SLF1: variants seen among roughly 807,000 people sequenced by gnomAD.
The protein encoded by SLF1 is SMC5/6 complex localization factor 1, also known as SMC5-SMC6 complex localization factor protein 1.
In SLF1, 105 loss-of-function variants were observed where a neutral mutation model predicts 123.0. The observed-to-expected ratio is 0.85, with a 90% CI of 0.73 to 1.00. The LOEUF is 1.00. Among genes scored for constraint, SLF1 ranks in the 50% least tolerant of loss-of-function variants. SLF1 has a pLI of 0.00. For missense variants in SLF1, 1,239 were observed against 1,223.0 expected (o/e 1.01, Z -0.20); for synonymous variants, 434 against 406.6 (o/e 1.07, Z -0.81).
intron 9 of SLF1, among the ~76,000 whole-genome samples, chr5:94,659,489 G>GT (rs981264842): frequency 6.6e-5 from 10 of 152,098 alleles, no homozygotes; most frequent in Non-Finnish European, 8.8e-5. Flanking sequence ...GTTTTCATAG[G>GT]TTTTTTCTAT....
At chr5:94,668,487 C>A (rs1301921678) in intron 12 of SLF1, among the ~76,000 whole-genome samples, 3 of 152,158 alleles carry the variant, frequency 2.0e-5, no homozygotes, top group Non-Finnish European at 2.9e-5. Context: ...GCATGCGCCA[C>A]CACGCCTTGC....
rs564782462 is a variant in SLF1, at chr5:94,681,989, G to T, written c.1975+3034G>T. On this transcript the variant is annotated intron_variant, in intron 15 of 20. Coordinates refer to ENST00000265140, the MANE Select transcript of SLF1 (RefSeq NM_032290.4). Reference sequence around the variant, plus strand: ...TGCCTAGCTATAACCAAATTTGAAGGCTAAGCAACCAACTGTGCGTGTGTG... The same window carrying T: ...TGCCTAGCTATAACCAAATTTGAAGTCTAAGCAACCAACTGTGCGTGTGTG... 5.9e-5 allele frequency among the ~76,000 whole-genome samples: 9 copies of T among 152,134 alleles called. No individual in the cohort carries two copies. The East Asian group carries it at 1.7e-3, about 29-fold the overall frequency.
intron 5 of SLF1, among the ~76,000 whole-genome samples, chr5:94,648,925 A>C (rs939255326): frequency 6.6e-6 from 1 of 152,246 alleles, no homozygotes; most frequent in Non-Finnish European, 1.5e-5. Flanking sequence ...TTATGAATGC[A>C]GTTTGGGTTC....
intron 11 of SLF1, among the ~76,000 whole-genome samples, chr5:94,664,257 TATC>T (rs1397959154): frequency 1.7e-4 from 26 of 152,228 alleles, no homozygotes; most frequent in African/African-American, 6.0e-4. Flanking sequence ...CATTGATGAT[TATC>T]ATTTTTATTT....
Position 94,692,157 on chromosome 5 carries a change from G to GAGGT in SLF1, c.2599_2602dup (p.Asp868GlyfsTer15). ...CCAGGAAATTTTGCAACGTTGTCCA[G>GAGGT]AGGTAGATCTGCTCACTCAAGTGGA... On this transcript the variant is annotated frameshift_variant, in exon 20 of 21. Coordinates refer to ENST00000265140, the MANE Select transcript of SLF1 (RefSeq NM_032290.4). LOFTEE classifies it high-confidence loss of function. 6.2e-7 allele frequency: 1 copy of GAGGT among 1,613,930 alleles called. No individual in the cohort carries two copies. The highest frequency in any genetic ancestry group is 1.1e-5 in the South Asian group (1 of 91,076).
Position 94,688,510 on chromosome 5 carries a change from A to G in SLF1, c.2126A>G (p.Tyr709Cys), listed in dbSNP as rs1752704313. The change falls in exon 17 of 21, where the codon TAT (tyrosine) becomes TGT (cysteine). Residue 709 changes from tyrosine (Y) to cysteine (C), a missense_variant. Tyr to Cys is a radical substitution (Grantham distance 194). Transcript: ENST00000265140. ...SEPLSLQKMVYSYLPALGKTG... is the reference protein window; with the variant it reads ...SEPLSLQKMVCSYLPALGKTG... ...TGCAATATTATTTTTCAACAGGTAT[A>G]TTCCTATTTACCAGCCTTGGGGAAA... 6.2e-7 allele frequency: 1 copy of G among 1,613,738 alleles called. No individual in the cohort carries two copies. Among genetic ancestry groups the G allele is most frequent in the African/African-American group, 1.3e-5 (1 of 74,926 alleles).
chr5:94,691,390 C>A, intron 18 of SLF1, 174 bp from the exon 19 acceptor site: 7 of 194,396 alleles, frequency 3.6e-5, no homozygotes, highest in South Asian at 1.3e-4. Flanking sequence ...CCTTCCCCTT[C>A]CCACCCCCCA....
chr5:94,683,621 C>T (rs1752073435), intron 15 of SLF1, among the ~76,000 whole-genome samples: 1 of 151,972 alleles, frequency 6.6e-6, no homozygotes, highest in South Asian at 2.1e-4. Context: ...TAACATTTAC[C>T]AAAACTCTGA....
Position 94,649,456 on chromosome 5 carries a change from A to T in SLF1, c.597A>T (p.Lys199Asn). ...IQYLGDFLLE[K>N]EIQNDEDSQT... ...AAACCATTTTTACATACATACAGAA[A>T]GAAATTCAGAATGATGAAGATTCCC... The change falls in exon 6 of 21, where the codon AAA (lysine) becomes AAT (asparagine). Residue 199 changes from lysine (K) to asparagine (N), a missense_variant and splice_region_variant. By Grantham distance (94) the Lys-to-Asn change is moderately conservative. Coordinates refer to ENST00000265140, the MANE Select transcript of SLF1 (RefSeq NM_032290.4). 6.7e-7 allele frequency: 1 copy of T among 1,494,406 alleles called. No individual in the cohort carries two copies. The highest frequency in any genetic ancestry group is 9.0e-7 in the Non-Finnish European group (1 of 1,108,882). 92.6% of individuals were successfully genotyped at this position (1,494,406 alleles called of 1,614,324 possible). A position where few individuals can be genotyped will look rare whatever the true frequency, so the allele number is the denominator to read the frequency against.
At chr5:94,655,189 C>G (rs1561446303) in intron 9 of SLF1, among the ~76,000 whole-genome samples, 1 of 152,126 alleles carries the variant, frequency 6.6e-6, no homozygotes, top group Non-Finnish European at 1.5e-5. Flanking sequence ...TTATTGAAGA[C>G]TGTCCTTTCC....
At chr5:94,662,672 TGTG>T in intron 10 of SLF1, among the ~76,000 whole-genome samples, 1 of 152,342 alleles carries the variant, frequency 6.6e-6, no homozygotes, top group South Asian at 2.1e-4. Flanking sequence ...AATTTTTTGG[TGTG>T]ATATTTACAA....
At chr5:94,688,362 A>G in intron 16 of SLF1, 144 bp from the exon 17 acceptor site, 1 of 730,912 alleles carries the variant, frequency 1.4e-6, no homozygotes, top group Admixed American at 3.2e-5. Flanking sequence ...TTAATATTTT[A>G]TTATGTTCAA....
chr5:94,651,266 C>A (rs1011938862), intron 6 of SLF1, among the ~76,000 whole-genome samples: 4 of 152,124 alleles, frequency 2.6e-5, no homozygotes, highest in Non-Finnish European at 4.4e-5. Flanking sequence ...CGCACAATGA[C>A]GAAATCAACT....
intron 10 of SLF1, 49 bp downstream of exon 10, chr5:94,662,400 G>T: frequency 6.9e-7 from 1 of 1,445,752 alleles, no homozygotes; most frequent in Non-Finnish European, 9.3e-7. Flanking sequence ...AAGAAGTTTT[G>T]TGTTTTGTTA....
chr5:94,677,274 G>A (rs1124667), intron 14 of SLF1, among the ~76,000 whole-genome samples: 83,675 of 151,908 alleles, frequency 0.55, 23,362 homozygotes, highest in African/African-American at 0.65. Context: ...ACATTTTTTC[G>A]AAACATTAAA....
intron 8 of SLF1, among the ~76,000 whole-genome samples, chr5:94,654,206 A>G (rs911340075): frequency 2.6e-5 from 4 of 151,996 alleles, no homozygotes; most frequent in African/African-American, 9.7e-5. Flanking sequence ...TAAATGCCAT[A>G]TTATGTATAT....
rs1561480600 is a variant in SLF1 at position 94,691,634 on chromosome 5, A to G, written c.2490A>G (p.Pro830=). The G allele has an allele frequency of 2.5e-6, 4 of 1,611,116 alleles. No homozygotes were observed. The highest frequency in any genetic ancestry group is 3.4e-6 in the Non-Finnish European group (4 of 1,179,020). The change falls in exon 19 of 21, where the codon CCA becomes CCG. Residue 830 remains proline (P), a synonymous_variant. Transcript: ENST00000265140. Reference sequence around the variant, plus strand: ...AATTGATTCTTCTTCTCTCTTTGCCAGGAATAGACATCAATGTTAAAGGTA... The same window carrying G: ...AATTGATTCTTCTTCTCTCTTTGCCGGGAATAGACATCAATGTTAAAGGTA... ...VEKLILLLSL[P]GIDINVKDNA... is the part of the protein sequence containing the mutation.
intron 15 of SLF1, among the ~76,000 whole-genome samples, chr5:94,684,495 G>A (rs893592486): frequency 2.6e-5 from 4 of 151,930 alleles, no homozygotes; most frequent in South Asian, 4.1e-4. Context: ...TCAGGAGATT[G>A]AGACCATCCT....
chr5:94,652,868 A>G (rs531497706), intron 7 of SLF1, among the ~76,000 whole-genome samples: 30 of 151,720 alleles, frequency 2.0e-4, no homozygotes, highest in Non-Finnish European at 2.7e-4. Context: ...TTTTATTTCT[A>G]TTTTTTGAGA....
Sources: allele counts gnomAD v4.1 joint callset (sites outside exome capture counted in the v4.1 genomes callset), GRCh38; gene constraint gnomAD v4.1.1; transcripts MANE v1.5; gene names NCBI Gene and HGNC (gene_info 2026-07-23, HGNC 2026-07-21).